Variants in FSTL5 observed in about 807,000 individuals in gnomAD.
FSTL5 encodes follistatin-related protein 5.
Under a neutral mutation model 89.1 loss-of-function variants are expected in FSTL5, and 62 were observed. The ratio of observed to expected loss-of-function variants is 0.70; its 90% CI spans 0.57 to 0.86. FSTL5 has a LOEUF of 0.86. Ranked by LOEUF, FSTL5 falls within the 40% of genes least tolerant of loss-of-function variation. The pLI is 0.00. For missense variants in FSTL5, 1,057 were observed against 1,001.6 expected (o/e 1.06, Z -0.75); for synonymous variants, 383 against 346.2 (o/e 1.11, Z -1.18).
At chr4:161,803,893 G>A (rs949464412) in intron 4 of FSTL5, among the ~76,000 whole-genome samples, 3 of 151,962 alleles carry the variant, frequency 2.0e-5, no homozygotes, top group African/African-American at 7.2e-5. Flanking sequence ...AAAGGTATAC[G>A]CTGAGATGCA....
chr4:161,704,717 AAATCCATCAGTC>A (rs1366298896), intron 6 of FSTL5, among the ~76,000 whole-genome samples: 1 of 152,148 alleles, frequency 6.6e-6, no homozygotes, highest in African/African-American at 2.4e-5. Flanking sequence ...TTTAAAGATT[AAATCCATCAGTC>A]AATTGCTTCA....
chr4:161,978,550 G>A (rs549842090), intron 3 of FSTL5, among the ~76,000 whole-genome samples: 3 of 152,066 alleles, frequency 2.0e-5, no homozygotes, highest in African/African-American at 7.2e-5. Flanking sequence ...AGCTGCAGAC[G>A]TCATGAACTT....
intron 8 of FSTL5, among the ~76,000 whole-genome samples, chr4:161,581,698 T>C (rs958060756): frequency 1.3e-5 from 2 of 152,228 alleles, no homozygotes; most frequent in Admixed American, 6.5e-5. Flanking sequence ...GTGTTTTATA[T>C]AGACATCTGG....
At chr4:161,976,117 CAAAA>C (rs371745777) in intron 3 of FSTL5, among the ~76,000 whole-genome samples, 1,798 of 65,330 alleles carry the variant, frequency 0.028, 21 homozygotes, top group Non-Finnish European at 0.043. Flanking sequence ...GACTCCGCCT[CAAAA>C]AAAAAAAAAA....
At chr4:162,096,718 T>G (rs1221991994) in intron 2 of FSTL5, among the ~76,000 whole-genome samples, 1 of 151,918 alleles carries the variant, frequency 6.6e-6, no homozygotes, top group Non-Finnish European at 1.5e-5. Context: ...AAAATAATAT[T>G]GCTTAAGTAT....
At chr4:161,480,926 T>C in intron 13 of FSTL5, 94 bp downstream of exon 13, 1 of 804,084 alleles carries the variant, frequency 1.2e-6, no homozygotes, top group East Asian at 2.9e-5. Context: ...GGAAACACAT[T>C]ATCAGTGACA....
intron 3 of FSTL5, among the ~76,000 whole-genome samples, chr4:161,949,755 G>T (rs944555351): frequency 1.3e-5 from 2 of 150,378 alleles, no homozygotes; most frequent in Non-Finnish European, 3.0e-5. Context: ...TTTCTGATAA[G>T]TCCAAGCTAA....
intron 3 of FSTL5, among the ~76,000 whole-genome samples, chr4:161,977,612 CAAAAAA>C (rs796909244): frequency 0.058 from 5,486 of 94,550 alleles, 169 homozygotes; most frequent in South Asian, 0.072. Context: ...GACTCCGTGT[CAAAAAA>C]AAAAAAAAAA....
rs879248676 is a variant in FSTL5 at position 161,587,399 on chromosome 4, T to A, written c.1015+56A>T. On this transcript the variant is annotated intron_variant, in intron 8 of 15. Transcript: ENST00000306100. ...AACTCAAAAAATTGAAGGCTTCACT[T>A]CCTAGTAAACTATGGTGTTCTTTGA... 4 of 1,574,364 alleles carry A rather than the reference T, an allele frequency of 2.5e-6. No homozygotes were observed. In the South Asian group the frequency reaches 4.4e-5, roughly 18 times the overall value.
At chr4:161,935,185 T>C (rs1410642141) in intron 3 of FSTL5, among the ~76,000 whole-genome samples, 3 of 152,108 alleles carry the variant, frequency 2.0e-5, no homozygotes, top group Non-Finnish European at 4.4e-5. Context: ...AGCTCTTGTG[T>C]TGCAGGGCAG....
chr4:161,419,661 C>A (rs1324322388), intron 15 of FSTL5, among the ~76,000 whole-genome samples: 1 of 152,106 alleles, frequency 6.6e-6, no homozygotes, highest in Non-Finnish European at 1.5e-5. Context: ...TCAAAACTTC[C>A]AATGGCATTC....
At chr4:161,754,045 T>TAAAA (rs10649973) in intron 6 of FSTL5, among the ~76,000 whole-genome samples, 16,885 of 84,976 alleles carry the variant, frequency 0.2, 2,285 homozygotes, top group Middle Eastern at 0.28. Flanking sequence ...CCGTCTCAAT[T>TAAAA]AAAAAAAAAA....
chr4:161,911,454 GAGCAAAA>G (rs1375245598), intron 4 of FSTL5, among the ~76,000 whole-genome samples: 7 of 152,008 alleles, frequency 4.6e-5, no homozygotes, highest in African/African-American at 1.7e-4. Context: ...GTATGGCAAA[GAGCAAAA>G]AGCATTGAAA....
chr4:161,891,203 G>T (rs576753670), intron 4 of FSTL5, among the ~76,000 whole-genome samples: 4 of 151,634 alleles, frequency 2.6e-5, no homozygotes, highest in African/African-American at 4.8e-5. Flanking sequence ...GTCACATTTT[G>T]TTAAAAATCT....
At chr4:161,820,936 G>C (rs1167939448) in intron 4 of FSTL5, among the ~76,000 whole-genome samples, 2 of 81,216 alleles carry the variant, frequency 2.5e-5, no homozygotes, top group African/African-American at 4.0e-5. Context: ...TTCAAAGATT[G>C]GTTGTCCAAA....
intron 10 of FSTL5, among the ~76,000 whole-genome samples, chr4:161,515,110 T>C (rs1730772089): frequency 6.6e-6 from 1 of 152,150 alleles, no homozygotes. Flanking sequence ...TTAAAACATA[T>C]TCCATTTTAT....
rs573767676 is a variant in FSTL5 at position 161,669,989 on chromosome 4, C to T, written c.728-13495G>A. ...AAAATATCAACTAAATGTTAAAAAA[C>T]GTCAGGTATTTTTTCCTGTATGATT... On this transcript the variant is annotated intron_variant, in intron 6 of 15. Coordinates refer to ENST00000306100, the MANE Select transcript of FSTL5 (RefSeq NM_020116.5). Among the ~76,000 whole-genome samples, 231 of 152,036 alleles carry T rather than the reference C, an allele frequency of 1.5e-3. 8 individuals carry two copies. In the South Asian group the frequency reaches 0.039, roughly 25 times the overall value.
intron 4 of FSTL5, among the ~76,000 whole-genome samples, chr4:161,800,588 C>T (rs1252827046): frequency 1.3e-5 from 2 of 151,580 alleles, no homozygotes; most frequent in Non-Finnish European, 3.0e-5. Context: ...ATTTCTTTAC[C>T]TCTTAAGTAA....
At chr4:161,971,410 T>C (rs1306941311) in intron 3 of FSTL5, among the ~76,000 whole-genome samples, 1 of 152,146 alleles carries the variant, frequency 6.6e-6, no homozygotes, top group Non-Finnish European at 1.5e-5. Flanking sequence ...CATTTAATTC[T>C]AGACTAATAT....
Sources: allele counts gnomAD v4.1 joint callset (sites outside exome capture counted in the v4.1 genomes callset), GRCh38; gene constraint gnomAD v4.1.1; transcripts MANE v1.5; gene names NCBI Gene and HGNC (gene_info 2026-07-23, HGNC 2026-07-21).